PIEZO2: variants seen among roughly 807,000 people sequenced by gnomAD.
PIEZO2 encodes the protein piezo-type mechanosensitive ion channel component 2.
Under a neutral mutation model 337.3 loss-of-function variants are expected in PIEZO2, and 172 were observed. The observed-to-expected ratio is 0.51, with a 90% CI of 0.45 to 0.58. PIEZO2 has a LOEUF of 0.58. Among genes scored for constraint, PIEZO2 ranks in the 20% least tolerant of loss-of-function variants. The pLI is 0.00. For synonymous variants in PIEZO2, 1,251 were observed against 1,228.5 expected (o/e 1.02, Z -0.38); for missense variants, 3,028 against 3,391.3 (o/e 0.89, Z 2.66).
rs55759850 is a variant in PIEZO2, at chr18:10,846,707, T to A, written c.917+8646A>T. ...CAGAATAATTGCCTACAAGATAATT[T>A]TCCTTCCTTATAAAGGAAGATGGAA... is the stretch of plus-strand genomic sequence containing the variant. On this transcript the variant is annotated intron_variant, in intron 7 of 55. Coordinates refer to ENST00000674853, the MANE Select transcript of PIEZO2 (RefSeq NM_001378183.1). The surrounding 1 kb of genome is among the most constrained non-coding windows in gnomAD (Gnocchi z 4.1). 6.6e-6 allele frequency among the ~76,000 whole-genome samples: 1 copy of A among 151,806 alleles called. No individual in the cohort carries two copies. The highest frequency in any genetic ancestry group is 2.4e-5 in the African/African-American group (1 of 41,294).
intron 26 of PIEZO2, 99 bp from the exon 27 acceptor site, chr18:10,758,233 C>T: frequency 2.3e-6 from 3 of 1,322,572 alleles, no homozygotes; most frequent in Non-Finnish European, 3.0e-6. Flanking sequence ...TTCCCCAGCT[C>T]CTAAGTGAGT....
At chr18:10,730,851 C>G (rs1174051446) in intron 36 of PIEZO2, among the ~76,000 whole-genome samples, 2 of 152,080 alleles carry the variant, frequency 1.3e-5, no homozygotes, top group Non-Finnish European at 2.9e-5. Context: ...CTCAGCCTCC[C>G]GAGTAGCTGG....
chr18:10,719,009 A>AT (rs1567981849), intron 36 of PIEZO2, among the ~76,000 whole-genome samples: 34 of 149,344 alleles, frequency 2.3e-4, no homozygotes, highest in African/African-American at 8.6e-4. Flanking sequence ...AAATAAATAA[A>AT]TAAATAAATA....
Position 11,016,285 on chromosome 18 carries a change from C to T in PIEZO2, c.161-36625G>A, listed in dbSNP as rs1340371065. On this transcript the variant is annotated intron_variant, in intron 2 of 55. Coordinates refer to ENST00000674853, the MANE Select transcript of PIEZO2 (RefSeq NM_001378183.1). The surrounding 1 kb of genome is among the most constrained non-coding windows in gnomAD (Gnocchi z 5.6). ...TGTAAGAGAATGGGATGACTGTGGG[C>T]AGAATCACAGGAGAGACACAGAATG... is the stretch of plus-strand genomic sequence containing the variant. 6.6e-6 allele frequency among the ~76,000 whole-genome samples: 1 copy of T among 152,116 alleles called. No individual in the cohort carries two copies. The highest frequency in any genetic ancestry group is 6.6e-5 in the Admixed American group (1 of 15,266).
rs547932685 is a variant in PIEZO2 at position 10,929,892 on chromosome 18, T to C, written c.287-18664A>G. ...TCAGCCCAGGAGGCCCAAAGAAGCCTAAAAAACCAGTTCAGACAATGACAG... is the reference window on the plus strand; with the variant it reads ...TCAGCCCAGGAGGCCCAAAGAAGCCCAAAAAACCAGTTCAGACAATGACAG... On this transcript the variant is annotated intron_variant, in intron 3 of 55. Coordinates refer to ENST00000674853, the MANE Select transcript of PIEZO2 (RefSeq NM_001378183.1). The surrounding 1 kb of genome is among the most constrained non-coding windows in gnomAD (Gnocchi z 5.6). 1.3e-5 allele frequency among the ~76,000 whole-genome samples: 2 copies of C among 152,198 alleles called. No individual in the cohort carries two copies. Among genetic ancestry groups the C allele is most frequent in the South Asian group, 4.2e-4 (2 of 4,814 alleles).
intron 1 of PIEZO2, among the ~76,000 whole-genome samples, chr18:11,119,271 T>C (rs12962301): frequency 0.56 from 84,203 of 151,460 alleles, 26,600 homozygotes; most frequent in Non-Finnish European, 0.7. Flanking sequence ...CCACAGCCTC[T>C]TAAGTAGCTG....
At position 10,886,323 on chromosome 18, in the gene PIEZO2, CAT is replaced by C. The variant is rs58335722; in HGVS notation, c.330-14910_330-14909del. Among the ~76,000 whole-genome samples the C allele has an allele frequency of 3.8e-4, 10 of 26,372 alleles. 2 individuals are homozygous for C. The highest frequency in any genetic ancestry group is 1.1e-3 in the Admixed American group (2 of 1,880). 17.3% of individuals were successfully genotyped at this position (26,372 alleles called of 152,430 possible). On this transcript the variant is annotated intron_variant, in intron 4 of 55. Transcript: ENST00000674853. ...CAGATGGTACCAAACCCTATACATA[CAT>C]ATATATATATATATATATACACACA...
chr18:10,993,379 G>C lies in PIEZO2; in HGVS notation c.161-13719C>G, dbSNP rs375312697. 6.6e-6 allele frequency among the ~76,000 whole-genome samples: 1 copy of C among 152,130 alleles called. No individual in the cohort carries two copies. The highest frequency in any genetic ancestry group is 2.1e-4 in the South Asian group (1 of 4,832). On this transcript the variant is annotated intron_variant, in intron 2 of 55. Coordinates refer to ENST00000674853, the MANE Select transcript of PIEZO2 (RefSeq NM_001378183.1). This position sits in a 1 kb window ranked among gnomAD's most constrained non-coding sequence, Gnocchi z 5.0. ...AACAGCTCTTATTATTTTGAGATGC[G>C]TTCTATTGATACCTAGTTTATTGAG...
Position 10,677,975 on chromosome 18 carries a change from G to A in PIEZO2, c.7953-100C>T, listed in dbSNP as rs2034088157. ...CTCTTAATTTGATTAATGTCACCACGTTTTCATTGGGTCCACAACGGTCAA... is the reference window on the plus strand; with the variant it reads ...CTCTTAATTTGATTAATGTCACCACATTTTCATTGGGTCCACAACGGTCAA... On this transcript the variant is annotated intron_variant, in intron 52 of 55. Transcript: ENST00000674853. The surrounding 1 kb of genome is among the most constrained non-coding windows in gnomAD (Gnocchi z 4.1). 16 of 1,180,050 alleles carry A rather than the reference G, an allele frequency of 1.4e-5. No homozygotes were observed. Among genetic ancestry groups the A allele is most frequent in the East Asian group, 7.9e-5 (3 of 38,152 alleles). The allele number at this position is 1,180,050 out of a possible 1,614,324, so 73.1% of individuals were successfully genotyped here.
At chr18:10,807,418 G>A in intron 7 of PIEZO2, 144 bp from the exon 8 acceptor site, 1 of 674,194 alleles carries the variant, frequency 1.5e-6, no homozygotes, top group South Asian at 2.2e-5. Context: ...TTACCCTTCT[G>A]TATACGTAAT....
In PIEZO2 at chr18:10,813,527, T is replaced by C. The variant is rs1271558507; in HGVS notation, c.918-6253A>G. On this transcript the variant is annotated intron_variant, in intron 7 of 55. Transcript: ENST00000674853. This position sits in a 1 kb window ranked among gnomAD's most constrained non-coding sequence, Gnocchi z 4.2. ...TTTGTCTTTTGTGACTGTCTTATTT[T>C]ACGTAGCATGATGGCCTCAAGGTTC... Among the ~76,000 whole-genome samples the C allele has an allele frequency of 6.6e-6, 1 of 152,188 alleles. No individual in the cohort carries two copies. Among genetic ancestry groups the C allele is most frequent in the East Asian group, 1.9e-4 (1 of 5,184 alleles).
At position 10,760,988 on chromosome 18, in the gene PIEZO2, T is replaced by C; in HGVS notation, c.3373A>G (p.Arg1125Gly). Residue 1125 changes from arginine to glycine, a missense_variant, in exon 24 of 56, where the codon AGA (arginine) becomes GGA (glycine). By Grantham distance (125) the Arg-to-Gly change is moderately radical. This residue lies in a region of PIEZO2 where 1,925 missense variants were observed against 2,051.9 expected (regional missense o/e 0.94). Coordinates refer to ENST00000674853, the MANE Select transcript of PIEZO2 (RefSeq NM_001378183.1). ...VSRTIFHDIT[R>G]LHLDDGLINC... is the part of the protein sequence containing the mutation. Reference sequence around the variant, plus strand: ...ATAAGTCCATCATCTAGATGTAGTCTTGTAATGTCATGAAAGATAGTTCTA... The same window carrying C: ...ATAAGTCCATCATCTAGATGTAGTCCTGTAATGTCATGAAAGATAGTTCTA... 1 of 1,534,336 alleles carries C rather than the reference T, an allele frequency of 6.5e-7. No individual in the cohort carries two copies. Among genetic ancestry groups the C allele is most frequent in the South Asian group, 1.2e-5 (1 of 83,994 alleles).
chr18:11,090,844 G>GA (rs397713830), intron 1 of PIEZO2, among the ~76,000 whole-genome samples: 3 of 151,300 alleles, frequency 2.0e-5, no homozygotes, highest in African/African-American at 7.3e-5. Flanking sequence ...ACCCGGGGGG[G>GA]CAAAGCTTGC....
intron 7 of PIEZO2, among the ~76,000 whole-genome samples, chr18:10,829,874 A>C (rs1285708788): frequency 2.6e-5 from 4 of 152,072 alleles, no homozygotes; most frequent in African/African-American, 9.7e-5. Context: ...ACCCAAAGCA[A>C]TCTACAGATT....
intron 7 of PIEZO2, among the ~76,000 whole-genome samples, chr18:10,817,795 C>A (rs1041669932): frequency 6.6e-6 from 1 of 151,800 alleles, no homozygotes; most frequent in African/African-American, 2.4e-5. Flanking sequence ...TGGTGGCAGG[C>A]GCCTGTAGTC....
chr18:10,807,777 A>ATAT (rs35337751), intron 7 of PIEZO2, among the ~76,000 whole-genome samples: 120,375 of 151,920 alleles, frequency 0.79, 47,730 homozygotes, highest in East Asian at 0.93. Context: ...TGAAAGTCAA[A>ATAT]TATACAGTAA....
In PIEZO2 at chr18:10,697,674, C is replaced by T. The variant is rs2035154932; in HGVS notation, c.6827+74G>A. On this transcript the variant is annotated intron_variant, in intron 45 of 55. Coordinates refer to ENST00000674853, the MANE Select transcript of PIEZO2 (RefSeq NM_001378183.1). ...CGAGAAGTTACTTCTCTGCTCTGCT[C>T]CTGGTTTATAGGAAATAATAAAGCC... 1.9e-6 allele frequency: 3 copies of T among 1,549,416 alleles called. No individual in the cohort carries two copies. In the African/African-American group the frequency reaches 4.2e-5, roughly 21 times the overall value.
At chr18:10,874,814 A>T (rs1330834889) in intron 4 of PIEZO2, among the ~76,000 whole-genome samples, 2 of 152,166 alleles carry the variant, frequency 1.3e-5, no homozygotes, top group Non-Finnish European at 2.9e-5. Context: ...GCTGAGAAGG[A>T]TGGCAGGAAG....
rs541858312 is a variant in PIEZO2 at position 10,983,763 on chromosome 18, A to G, written c.161-4103T>C. 5.3e-5 allele frequency among the ~76,000 whole-genome samples: 8 copies of G among 152,244 alleles called. No individual in the cohort carries two copies. In the South Asian group the frequency reaches 1.7e-3, roughly 32 times the overall value. On this transcript the variant is annotated intron_variant, in intron 2 of 55. Coordinates refer to ENST00000674853, the MANE Select transcript of PIEZO2 (RefSeq NM_001378183.1). ...GAAAGCACCTTGTACATCCCTGTGC[A>G]TGGCCTGCACAAGCTCCTTCAGATA...
Sources: gnomAD v4.1 joint callset for allele counts (sites outside exome capture counted in the v4.1 genomes callset) on GRCh38, gnomAD v4.1.1 for gene constraint, gnomAD v4.1.1 regional missense constraint, Gnocchi (gnomAD v3.1) non-coding constraint, MANE v1.5 for transcripts, NCBI Gene and HGNC (gene_info 2026-07-23, HGNC 2026-07-21) for gene names.